Variants in JAKMIP3 observed in about 807,000 individuals in gnomAD.
The protein encoded by JAKMIP3 is Janus kinase and microtubule interacting protein 3.
In JAKMIP3, 58 loss-of-function variants were observed where a neutral mutation model predicts 118.5. The observed-to-expected ratio is 0.49, with a 90% CI of 0.40 to 0.61. JAKMIP3 has a LOEUF of 0.61. Ranked by LOEUF, JAKMIP3 falls within the 20% of genes least tolerant of loss-of-function variation. The pLI is 0.00. For synonymous variants in JAKMIP3, 486 were observed against 451.2 expected (o/e 1.08, Z -0.98); for missense variants, 950 against 1,109.0 (o/e 0.86, Z 2.04).
rs2054442941 is a variant in JAKMIP3, at chr10:132,145,591, A to C, written c.1749+11A>C. 6.4e-7 allele frequency: 1 copy of C among 1,558,514 alleles called. No homozygotes were observed. The highest frequency in any genetic ancestry group is 1.4e-5 in the African/African-American group (1 of 73,542). On this transcript the variant is annotated intron_variant, in intron 13 of 23. Transcript: ENST00000684848. ...GAGCTTGTGGAAAAGGTGAGCCCCG[A>C]ACCCCTGGAGGCCCTGGCAGGACTC...
chr10:132,045,888 T>C (rs1382227591), intron 1 of JAKMIP3, among the ~76,000 whole-genome samples: 1 of 149,830 alleles, frequency 6.7e-6, no homozygotes, highest in East Asian at 2.0e-4. Flanking sequence ...AAGCTGAGAT[T>C]GCATCACTGC....
At chr10:132,072,816 T>C (rs926388612) in intron 1 of JAKMIP3, among the ~76,000 whole-genome samples, 1 of 151,368 alleles carries the variant, frequency 6.6e-6, no homozygotes, top group Non-Finnish European at 1.5e-5. Context: ...ATATGTATAT[T>C]GTACAGTGGC....
At chr10:132,126,303 T>TTTTG (rs2049535052) in intron 3 of JAKMIP3, among the ~76,000 whole-genome samples, 1 of 120,482 alleles carries the variant, frequency 8.3e-6, no homozygotes, top group Admixed American at 7.8e-5. Flanking sequence ...TTGGCAATAC[T>TTTTG]TTTTTTTTTT....
At chr10:132,137,689 G>A (rs556145961) in intron 8 of JAKMIP3, among the ~76,000 whole-genome samples, 4 of 152,330 alleles carry the variant, frequency 2.6e-5, no homozygotes, top group African/African-American at 7.2e-5. Flanking sequence ...TGGGTTCCCC[G>A]GAGAGCAGCA....
intron 1 of JAKMIP3, among the ~76,000 whole-genome samples, chr10:132,080,207 T>C (rs571462596): frequency 2.0e-5 from 3 of 152,312 alleles, no homozygotes; most frequent in Admixed American, 6.5e-5. Context: ...TCCATCATGC[T>C]GTTTTCCACA....
intron 1 of JAKMIP3, among the ~76,000 whole-genome samples, chr10:132,090,442 G>T (rs554208037): frequency 6.6e-6 from 1 of 152,050 alleles, no homozygotes. Context: ...GTCTTGGGAG[G>T]GTGTATGTGT....
chr10:132,095,870 G>A (rs1307619468), intron 1 of JAKMIP3, among the ~76,000 whole-genome samples: 3 of 152,216 alleles, frequency 2.0e-5, no homozygotes, highest in Non-Finnish European at 4.4e-5. Context: ...TGGGGCAGGA[G>A]TGGCCCACCA....
intron 22 of JAKMIP3, among the ~76,000 whole-genome samples, 171 bp downstream of exon 22, chr10:132,167,226 G>A (rs2058998947): frequency 6.6e-6 from 1 of 152,172 alleles, no homozygotes; most frequent in South Asian, 2.1e-4. Flanking sequence ...TTCAACACTG[G>A]AAGTCCCTCC....
At chr10:132,164,527 T>A in intron 20 of JAKMIP3, 143 bp from the exon 21 acceptor site, 1 of 635,436 alleles carries the variant, frequency 1.6e-6, no homozygotes. Flanking sequence ...CAAAGGCTTG[T>A]GTCCTCGTCA....
chr10:132,160,187 TG>T (rs1392725808), intron 19 of JAKMIP3, among the ~76,000 whole-genome samples: 1 of 9,378 alleles, frequency 1.1e-4, no homozygotes, highest in Admixed American at 1.4e-3. Flanking sequence ...TGATGCTGGG[TG>T]GGCCTCTCCC....
chr10:132,167,912 G>A (rs754522589), intron 22 of JAKMIP3, 41 bp from the exon 23 acceptor site: 1 of 1,261,842 alleles, frequency 7.9e-7, no homozygotes, highest in South Asian at 1.3e-5. Flanking sequence ...CAGCCAAGCG[G>A]AGCCTCGCTG....
chr10:132,159,665 T>TC (rs1564981892), intron 19 of JAKMIP3, among the ~76,000 whole-genome samples: 1 of 88,524 alleles, frequency 1.1e-5, no homozygotes, highest in Non-Finnish European at 2.2e-5. Context: ...TGTGTGATGC[T>TC]GGGGGGTCCT....
intron 20 of JAKMIP3, among the ~76,000 whole-genome samples, chr10:132,163,669 C>CTGGCCACACCCTCTGA (rs1026100359): frequency 6.6e-6 from 1 of 152,194 alleles, no homozygotes; most frequent in African/African-American, 2.4e-5. Flanking sequence ...ACGCCCCCTG[C>CTGGCCACACCCTCTGA]TGGCCACACC....
chr10:132,066,482 C>G (rs114005888), intron 1 of JAKMIP3, among the ~76,000 whole-genome samples: 2 of 152,172 alleles, frequency 1.3e-5, no homozygotes, highest in African/African-American at 4.8e-5. Context: ...CTGCACAGCC[C>G]GGGAGGCCTG....
At chr10:132,058,808 G>A (rs11146136) in intron 1 of JAKMIP3, among the ~76,000 whole-genome samples, 5 of 152,226 alleles carry the variant, frequency 3.3e-5, no homozygotes, top group Non-Finnish European at 7.3e-5. Context: ...ATGTTCAAGC[G>A]ATCAAAAATG....
At chr10:132,040,119 G>C (rs2037679258) in intron 1 of JAKMIP3, among the ~76,000 whole-genome samples, 1 of 152,140 alleles carries the variant, frequency 6.6e-6, no homozygotes, top group Admixed American at 6.5e-5. Context: ...ATGGTATTGG[G>C]GGGGTGGGCC....
chr10:132,105,063 A>T, intron 2 of JAKMIP3, 120 bp downstream of exon 2: 1 of 1,208,790 alleles, frequency 8.3e-7, no homozygotes, highest in Non-Finnish European at 1.2e-6. Flanking sequence ...CCCAGTCCTA[A>T]AGGCTGCTTG....
chr10:132,110,367 C>T (rs991600945), intron 2 of JAKMIP3, among the ~76,000 whole-genome samples: 2 of 152,268 alleles, frequency 1.3e-5, no homozygotes, highest in Admixed American at 6.5e-5. Context: ...CGGATCCCAA[C>T]GTGGGGCCCA....
At chr10:132,107,553 C>A (rs9419370) in intron 2 of JAKMIP3, among the ~76,000 whole-genome samples, 28,404 of 152,232 alleles carry the variant, frequency 0.19, 2,738 homozygotes, top group East Asian at 0.29. Flanking sequence ...CCTCAGAGCT[C>A]CTCATCCTGG....
Sources: allele counts gnomAD v4.1 joint callset (sites outside exome capture counted in the v4.1 genomes callset), GRCh38; gene constraint gnomAD v4.1.1; transcripts MANE v1.5; gene names NCBI Gene and HGNC (gene_info 2026-07-23, HGNC 2026-07-21).